The following KARS1 variants were observed in gnomAD, a reference collection of about 807,000 sequenced individuals.
KARS1 encodes lysyl-tRNA synthetase 1.
KARS1 carries 50 observed loss-of-function variants against 63.9 expected under a neutral mutation model. That is an observed-to-expected ratio of 0.78 (90% CI 0.62 to 0.99). The LOEUF is 0.99. Ranked by LOEUF, KARS1 falls within the 50% of genes least tolerant of loss-of-function variation. KARS1 has a pLI of 0.00. For missense variants in KARS1, 816 were observed against 754.5 expected, an observed-to-expected ratio of 1.08 and a Z score of -0.95; for synonymous variants, 320 against 264.6, an observed-to-expected ratio of 1.21 and a Z score of -2.03.
At chr16:75,636,893 G>A (rs2082168080) in intron 3 of KARS1, among the ~76,000 whole-genome samples, 1 of 151,220 alleles carries the variant, frequency 6.6e-6, no homozygotes, top group South Asian at 2.1e-4. Context: ...ACCCACCTCA[G>A]CCTCCCAAAG....
At chr16:75,630,609 C>A in intron 10 of KARS1, 101 bp from the exon 11 acceptor site, 3 of 609,758 alleles carry the variant, frequency 4.9e-6, no homozygotes, top group Admixed American at 5.4e-5. Flanking sequence ...ATGGGTTTAT[C>A]CTATAGCTTT....
chr16:75,631,668 G>A, intron 8 of KARS1, 25 bp downstream of exon 8: 9 of 1,613,968 alleles, frequency 5.6e-6, no homozygotes, highest in South Asian at 1.1e-5. Flanking sequence ...ACCACCCGAT[G>A]AGTATGAGAG....
intron 6 of KARS1, among the ~76,000 whole-genome samples, chr16:75,634,777 G>C (rs902127579): frequency 3.3e-5 from 5 of 152,072 alleles, no homozygotes; most frequent in Admixed American, 6.6e-5. Flanking sequence ...GGGTTTCACT[G>C]TGTTAGCCAG....
chr16:75,639,571 C>CAAAAAA (rs35021757), intron 3 of KARS1, among the ~76,000 whole-genome samples: 13 of 79,804 alleles, frequency 1.6e-4, no homozygotes, highest in African/African-American at 5.7e-4. Context: ...GACTATATCT[C>CAAAAAA]AAAAAAAAAA....
At chr16:75,644,679 T>C (rs2151812672) in intron 1 of KARS1, among the ~76,000 whole-genome samples, 1 of 152,176 alleles carries the variant, frequency 6.6e-6, no homozygotes, top group East Asian at 1.9e-4. Flanking sequence ...AAAACATGCA[T>C]ATCTGGGGTA....
chr16:75,630,689 G>A (rs1332187274), intron 10 of KARS1, among the ~76,000 whole-genome samples, 181 bp from the exon 11 acceptor site: 3 of 152,074 alleles, frequency 2.0e-5, no homozygotes, highest in Non-Finnish European at 2.9e-5. Context: ...AGGCTGGAGT[G>A]CAGTGGCATG....
Position 75,631,844 on chromosome 16 carries a change from A to C in KARS1, c.927T>G (p.Val309=). The change falls in exon 8 of 14, where the codon GTT becomes GTG. Residue 309 remains valine, a synonymous_variant. Coordinates refer to ENST00000302445, the MANE Select transcript of KARS1 (RefSeq NM_005548.3). ...APELYHKMLV[V]GGIDRVYEIG... is the part of the protein sequence containing the mutation. ...TTTCATAAACCCGGTCGATGCCACC[A>C]ACCACAAGCATCTAACAACAACACA... is the stretch of plus-strand genomic sequence containing the variant. 2 of 1,614,068 alleles carry C rather than the reference A, an allele frequency of 1.2e-6. No individual in the cohort carries two copies. The highest frequency in any genetic ancestry group is 1.7e-6 in the Non-Finnish European group (2 of 1,180,032).
chr16:75,647,412 C>G, intron 1 of KARS1, 166 bp downstream of exon 1: 1 of 720,880 alleles, frequency 1.4e-6, no homozygotes, highest in South Asian at 1.5e-5. Context: ...CCGGGGTATC[C>G]CGGGGTACGT....
intron 10 of KARS1, 54 bp downstream of exon 10, chr16:75,631,114 G>GGTTC: frequency 7.0e-7 from 1 of 1,422,732 alleles, no homozygotes; most frequent in Non-Finnish European, 9.9e-7. Context: ...CCAGGGAAGA[G>GGTTC]GGAACCATTC....
At position 75,627,793 on chromosome 16, in the gene KARS1, C is replaced by A. The variant is rs902343721; in HGVS notation, c.*102G>T. The A allele has an allele frequency of 9.3e-5, 73 of 783,622 alleles. No individual in the cohort carries two copies. The highest frequency in any genetic ancestry group is 1.5e-4 in the Non-Finnish European group (65 of 426,250). 48.5% of individuals were successfully genotyped at this position (783,622 alleles called of 1,614,324 possible). A position where few individuals can be genotyped will look rare whatever the true frequency, so the allele number is the denominator to read the frequency against. On this transcript the variant is annotated 3_prime_UTR_variant, in exon 14 of 14. Transcript: ENST00000302445. ...CTCTTCTGATGGCTGAACAGAACTG[C>A]GGTGTCAAATGGAAAGCAGCACACA...
At chr16:75,641,858 ACCCAC>A in intron 1 of KARS1, 135 bp from the exon 2 acceptor site, 1 of 837,772 alleles carries the variant, frequency 1.2e-6, no homozygotes, top group Middle Eastern at 2.2e-4. Context: ...TCAATTCCAC[ACCCAC>A]AGCTCAGCTC....
intron 11 of KARS1, 40 bp from the exon 12 acceptor site, chr16:75,629,581 C>T (rs747955760): frequency 2.0e-5 from 32 of 1,611,078 alleles, no homozygotes; most frequent in Middle Eastern, 3.3e-4. Context: ...AATATAGAGG[C>T]CCCTAATGAG....
At chr16:75,630,950 T>C (rs1597164273) in intron 10 of KARS1, among the ~76,000 whole-genome samples, 1 of 152,198 alleles carries the variant, frequency 6.6e-6, no homozygotes, top group East Asian at 1.9e-4. Flanking sequence ...TATAGCTTTT[T>C]AAAAGCTGGA....
At chr16:75,642,267 T>C (rs1272778811) in intron 1 of KARS1, among the ~76,000 whole-genome samples, 1 of 137,026 alleles carries the variant, frequency 7.3e-6, no homozygotes, top group Non-Finnish European at 1.6e-5. Flanking sequence ...GCAGTCACAA[T>C]CTCAGCTTAC....
intron 1 of KARS1, among the ~76,000 whole-genome samples, chr16:75,643,464 G>A (rs2082246712): frequency 6.7e-6 from 1 of 149,550 alleles, no homozygotes; most frequent in African/African-American, 2.5e-5. Flanking sequence ...TGTAAGCTCT[G>A]CCTCCCGGGT....
intron 3 of KARS1, chr16:75,639,913 C>A (rs1383915950): frequency 6.3e-6 from 3 of 477,576 alleles, no homozygotes; most frequent in Non-Finnish European, 3.8e-6. Flanking sequence ...TTCTTAGAAG[C>A]CTGAGACTTC....
rs111679674 is a variant in KARS1 at position 75,627,862 on chromosome 16, C to A, written c.*33G>T. On this transcript the variant is annotated 3_prime_UTR_variant, in exon 14 of 14. Coordinates refer to ENST00000302445, the MANE Select transcript of KARS1 (RefSeq NM_005548.3). Reference sequence around the variant, plus strand: ...TTGATCTTTCGCAGAAATGCAAAGACGCCTGAGTTATACAACTTGCAATTA... The same window carrying A: ...TTGATCTTTCGCAGAAATGCAAAGAAGCCTGAGTTATACAACTTGCAATTA... 2 of 1,212,752 alleles carry A rather than the reference C, an allele frequency of 1.6e-6. No homozygotes were observed. Among genetic ancestry groups the A allele is most frequent in the East Asian group, 2.3e-5 (1 of 43,082 alleles). The allele number at this position is 1,212,752 out of a possible 1,614,324, so 75.1% of individuals were successfully genotyped here.
chr16:75,632,300 G>A (rs919666862), intron 7 of KARS1, among the ~76,000 whole-genome samples: 1 of 152,206 alleles, frequency 6.6e-6, no homozygotes, highest in Non-Finnish European at 1.5e-5. Flanking sequence ...AAATTGCCAA[G>A]CACCCTGCTC....
chr16:75,644,779 G>A (rs2082262972), intron 1 of KARS1, among the ~76,000 whole-genome samples: 1 of 152,182 alleles, frequency 6.6e-6, no homozygotes, highest in Admixed American at 6.5e-5. Flanking sequence ...ACTTTCTGAA[G>A]CCCTGAAGTG....
Sources: allele counts gnomAD v4.1 joint callset (sites outside exome capture counted in the v4.1 genomes callset), GRCh38; gene constraint gnomAD v4.1.1; transcripts MANE v1.5; gene names NCBI Gene and HGNC (gene_info 2026-07-23, HGNC 2026-07-21).